Variants in FMNL3 observed in about 807,000 individuals in gnomAD.
The protein encoded by FMNL3 is formin-like protein 3.
Under a neutral mutation model 119.6 loss-of-function variants are expected in FMNL3, and 57 were observed. The ratio of observed to expected loss-of-function variants is 0.48; its 90% confidence interval spans 0.39 to 0.59. The LOEUF is 0.59. Ranked by LOEUF, FMNL3 falls within the 20% of genes least tolerant of loss-of-function variation. FMNL3 has a pLI of 0.00. For missense variants in FMNL3, 1,053 were observed against 1,323.5 expected (o/e 0.80, Z 3.17); for synonymous variants, 491 against 507.3 (o/e 0.97, Z 0.43).
chr12:49,661,809 C>T (rs1175099540), intron 5 of FMNL3, 157 bp downstream of exon 5: 4 of 683,078 alleles, frequency 5.9e-6, no homozygotes, highest in Non-Finnish European at 1.0e-5. Context: ...TCCGGGCTTG[C>T]CTGCCTACTT....
rs1290052696 is a variant in FMNL3, at chr12:49,636,753, G to A, written c.*9062C>T. The A allele has an allele frequency of 1.9e-6, 3 of 1,614,104 alleles. No individual in the cohort carries two copies. The highest frequency in any genetic ancestry group is 1.6e-4 in the Middle Eastern group (1 of 6,084). On this transcript the variant is annotated 3_prime_UTR_variant, in exon 26 of 26. Coordinates refer to ENST00000335154, the MANE Select transcript of FMNL3 (RefSeq NM_175736.5). ...AAGATGCACTGATCTGTTTTGAGGAGCACATCCGAGCTTTGGAGAGGGAAG... is the reference window on the plus strand; with the variant it reads ...AAGATGCACTGATCTGTTTTGAGGAACACATCCGAGCTTTGGAGAGGGAAG...
Position 49,637,066 on chromosome 12 carries a change from C to A in FMNL3, c.*8749G>T. 1.4e-6 allele frequency: 1 copy of A among 691,128 alleles called. No individual in the cohort carries two copies. The highest frequency in any genetic ancestry group is 2.4e-6 in the Non-Finnish European group (1 of 422,058). 42.8% of individuals were successfully genotyped at this position (691,128 alleles called of 1,614,324 possible). Reference sequence around the variant, plus strand: ...AGGGAGACTAGATGTATGCACCACCCAGAAACTGCCAGTAGAGAGCACCCT... The same window carrying A: ...AGGGAGACTAGATGTATGCACCACCAAGAAACTGCCAGTAGAGAGCACCCT... On this transcript the variant is annotated 3_prime_UTR_variant, in exon 26 of 26. Transcript: ENST00000335154.
intron 1 of FMNL3, among the ~76,000 whole-genome samples, chr12:49,689,461 C>T (rs886454703): frequency 3.3e-5 from 5 of 152,164 alleles, no homozygotes; most frequent in African/African-American, 7.2e-5. Flanking sequence ...AGGCTAGGCA[C>T]GATGGCTCAT....
chr12:49,637,973 C>T lies in FMNL3; in HGVS notation c.*7842G>A. The T allele has an allele frequency of 1.6e-6, 1 of 638,256 alleles. No individual in the cohort carries two copies. The highest frequency in any genetic ancestry group is 2.7e-5 in the East Asian group (1 of 36,454). 39.5% of individuals were successfully genotyped at this position (638,256 alleles called of 1,614,324 possible). ...GATCCTTTACTGCACACTAGGGATA[C>T]AGTAATGAATACACAATTTCTACCA... On this transcript the variant is annotated 3_prime_UTR_variant, in exon 26 of 26. Coordinates refer to ENST00000335154, the MANE Select transcript of FMNL3 (RefSeq NM_175736.5).
rs1210254625 is a variant in FMNL3 at position 49,654,920 on chromosome 12, A to G, written c.950T>C (p.Ile317Thr). 2 of 1,614,004 alleles carry G rather than the reference A, an allele frequency of 1.2e-6. No individual in the cohort carries two copies. The highest frequency in any genetic ancestry group is 1.7e-6 in the Non-Finnish European group (2 of 1,179,998). The stretch of plus-strand genomic sequence containing the variant: ...GGCCCAGTTCCTCACCATGAAGTCA[A>G]TATTGCTGTCCTCATTCCGGAAATA... ...MEYFRNEDSN[I>T]DFMVACMQFI... The change falls in exon 10 of 26, where the codon ATT (isoleucine) becomes ACT (threonine). Residue 317 changes from isoleucine to threonine, a missense_variant. By Grantham distance (89) the Ile-to-Thr change is moderately conservative (BLOSUM62 -1). Around this residue, in one of 4 missense-constraint regions of FMNL3, gnomAD observed 445 missense variants for 628.4 expected, o/e 0.71. Transcript: ENST00000335154.
At chr12:49,691,274 T>C (rs1592690733) in intron 1 of FMNL3, among the ~76,000 whole-genome samples, 1 of 152,180 alleles carries the variant, frequency 6.6e-6, no homozygotes, top group African/African-American at 2.4e-5. Context: ...ACACAATAAA[T>C]GTTAGCTATT....
chr12:49,641,912 G>A lies in FMNL3; in HGVS notation c.*3903C>T, dbSNP rs115713495. 45 of 1,612,976 alleles carry A rather than the reference G, an allele frequency of 2.8e-5. No individual in the cohort carries two copies. The highest frequency in any genetic ancestry group is 1.8e-4 in the Middle Eastern group (1 of 5,426). On this transcript the variant is annotated 3_prime_UTR_variant, in exon 26 of 26. Transcript: ENST00000335154. ...CATGCACTGCTGTACCCACAGGACC[G>A]GGGCTTCTGCGTGGAGGTGAACACG... is the stretch of plus-strand genomic sequence containing the variant.
intron 1 of FMNL3, among the ~76,000 whole-genome samples, chr12:49,696,938 C>T (rs1944766524): frequency 6.6e-6 from 1 of 152,222 alleles, no homozygotes; most frequent in Admixed American, 6.5e-5. Flanking sequence ...ACTTCCCATT[C>T]CTCCAGGCTG....
intron 10 of FMNL3, 130 bp from the exon 11 acceptor site, chr12:49,654,432 G>A: frequency 1.6e-6 from 1 of 645,036 alleles, no homozygotes; most frequent in Non-Finnish European, 2.7e-6. Context: ...AAAGAGTTAA[G>A]TCTTTATGGG....
chr12:49,696,537 C>T (rs1365542295), intron 1 of FMNL3, among the ~76,000 whole-genome samples: 12 of 152,288 alleles, frequency 7.9e-5, no homozygotes, highest in East Asian at 1.9e-4. Flanking sequence ...AGGAAAAAAA[C>T]GCTACATGAT....
chr12:49,680,744 T>C (rs1290306011), intron 1 of FMNL3, among the ~76,000 whole-genome samples: 1 of 152,206 alleles, frequency 6.6e-6, no homozygotes, highest in East Asian at 1.9e-4. Context: ...AGAACACGGA[T>C]GAAAAACATT....
Position 49,641,085 on chromosome 12 carries a change from T to G in FMNL3, c.*4730A>C, listed in dbSNP as rs1439164227. 1 of 152,260 alleles carries G rather than the reference T, an allele frequency of 6.6e-6. No homozygotes were observed. Among genetic ancestry groups the G allele is most frequent in the Non-Finnish European group, 1.5e-5 (1 of 68,050 alleles). The allele number at this position is 152,260 out of a possible 1,614,324, so 9.4% of individuals were successfully genotyped here. ...CTTAACTGACGTGAGAGCCAGACTT[T>G]GAACTCCAGTGGCTTCATTTACCAC... On this transcript the variant is annotated 3_prime_UTR_variant, in exon 26 of 26. Transcript: ENST00000335154.
chr12:49,647,589 C>G lies in FMNL3; in HGVS notation c.2778+114G>C. ...GGCCTGTCACCAGCTTGCATCGCTC[C>G]CTTCCCAGGACTCGGAGGAGGAGTC... On this transcript the variant is annotated intron_variant, in intron 23 of 25. Coordinates refer to ENST00000335154, the MANE Select transcript of FMNL3 (RefSeq NM_175736.5). This position sits in a 1 kb window ranked among gnomAD's most constrained non-coding sequence, Gnocchi z 4.9. 1.9e-6 allele frequency: 2 copies of G among 1,041,144 alleles called. No homozygotes were observed. The highest frequency in any genetic ancestry group is 2.9e-5 in the South Asian group (2 of 68,852). 64.5% of individuals were successfully genotyped at this position (1,041,144 alleles called of 1,614,324 possible).
Position 49,642,276 on chromosome 12 carries a change from G to C in FMNL3, c.*3539C>G. ...AGGCACGGGAGAGGGAGCGGGAGAA[G>C]GAGGAGGCACGCAGGATGCGGCGCA... On this transcript the variant is annotated 3_prime_UTR_variant, in exon 26 of 26. Transcript: ENST00000335154. The surrounding 1 kb of genome is among the most constrained non-coding windows in gnomAD (Gnocchi z 5.8). 6.2e-7 allele frequency: 1 copy of C among 1,614,200 alleles called. No homozygotes were observed. Among genetic ancestry groups the C allele is most frequent in the South Asian group, 1.1e-5 (1 of 91,086 alleles).
chr12:49,698,616 C>T (rs913903662), intron 1 of FMNL3, among the ~76,000 whole-genome samples: 4 of 151,320 alleles, frequency 2.6e-5, no homozygotes, highest in African/African-American at 4.9e-5. Flanking sequence ...AGACAGAAAG[C>T]GTAAGAGAAC....
At position 49,654,759 on chromosome 12, in the gene FMNL3, G is replaced by C. The variant is rs76173165; in HGVS notation, c.960+151C>G. 4.6e-3 allele frequency: 3,312 copies of C among 724,158 alleles called. 81 individuals carry two copies. The African/African-American group carries it at 0.052, about 11-fold the overall frequency. The allele number at this position is 724,158 out of a possible 1,614,324, so 44.9% of individuals were successfully genotyped here. On this transcript the variant is annotated intron_variant, in intron 10 of 25. Coordinates refer to ENST00000335154, the MANE Select transcript of FMNL3 (RefSeq NM_175736.5). ...CCTGAAGTTTCTAAGAGCTCTCTGG[G>C]GTAGGCAGGTGGACAAGAAGCATTT...
At chr12:49,653,161 A>C in intron 13 of FMNL3, 65 bp downstream of exon 13, 1 of 1,460,134 alleles carries the variant, frequency 6.8e-7, no homozygotes, top group Non-Finnish European at 9.6e-7. Context: ...AGGGAAAAAA[A>C]GCAGAACCCC....
rs1942776165 is a variant in FMNL3, at chr12:49,642,254, C to T, written c.*3561G>A. The T allele has an allele frequency of 6.2e-7, 1 of 1,614,054 alleles. No homozygotes were observed. The highest frequency in any genetic ancestry group is 8.5e-7 in the Non-Finnish European group (1 of 1,180,036). On this transcript the variant is annotated 3_prime_UTR_variant, in exon 26 of 26. Transcript: ENST00000335154. The surrounding 1 kb of genome is among the most constrained non-coding windows in gnomAD (Gnocchi z 5.8). The stretch of plus-strand genomic sequence containing the variant: ...CCTCAGCTGCTGGAGAAAGCAGAGG[C>T]ACGGGAGAGGGAGCGGGAGAAGGAG...
At position 49,707,200 on chromosome 12, in the gene FMNL3, G is replaced by A. The variant is rs1445531030; in HGVS notation, c.-20C>T. The A allele has an allele frequency of 3.5e-5, 52 of 1,501,136 alleles. No individual in the cohort carries two copies. Among genetic ancestry groups the A allele is most frequent in the East Asian group, 7.6e-5 (3 of 39,356 alleles). 93.0% of individuals were successfully genotyped at this position (1,501,136 alleles called of 1,614,324 possible). On this transcript the variant is annotated 5_prime_UTR_variant, in exon 1 of 26. Transcript: ENST00000335154. ...GCCCATCGCGGCGGGGCCCCCTCAG[G>A]GGCCTCGGCCCCCCACCTCCACGCT...
Sources: allele counts gnomAD v4.1 joint callset (sites outside exome capture counted in the v4.1 genomes callset), GRCh38; gene constraint gnomAD v4.1.1; regional missense constraint gnomAD v4.1.1; non-coding constraint Gnocchi (gnomAD v3.1); transcripts MANE v1.5; gene names NCBI Gene and HGNC (gene_info 2026-07-23, HGNC 2026-07-21).